Variants in TRIM34 observed in about 807,000 individuals in gnomAD.
TRIM34 encodes the protein tripartite motif containing 34.
TRIM34 carries 41 observed loss-of-function variants against 38.1 expected under a neutral mutation model. The ratio of observed to expected loss-of-function variants is 1.08; its 90% confidence interval spans 0.84 to 1.40. The LOEUF (loss-of-function observed/expected upper bound fraction) is 1.40. Among genes scored for constraint, TRIM34 ranks in the 40% most tolerant of loss-of-function variants. The probability of loss-of-function intolerance (pLI) is 0.00; values close to 1 mark genes in which losing one functional copy is unlikely to be tolerated. For missense variants in TRIM34, 556 were observed against 571.4 expected, an observed-to-expected ratio of 0.97 and a Z score of 0.27; for synonymous variants, 200 against 202.5, an observed-to-expected ratio of 0.99 and a Z score of 0.10.
intron 4 of TRIM34, among the ~76,000 whole-genome samples, chr11:5,639,571 T>C (rs1234993346): frequency 6.8e-6 from 1 of 148,090 alleles, no homozygotes; most frequent in Non-Finnish European, 1.5e-5. Flanking sequence ...TCCCAGGTAC[T>C]TGGGAGGCTG....
chr11:5,642,308 A>ATC, intron 5 of TRIM34, 98 bp from the exon 6 acceptor site: 5 of 1,089,886 alleles, frequency 4.6e-6, no homozygotes, highest in Non-Finnish European at 6.8e-6. Flanking sequence ...AGAAGGGTTC[A>ATC]AGTGCATCAG....
intron 1 of TRIM34, among the ~76,000 whole-genome samples, chr11:5,629,964 C>T (rs1269297436): frequency 3.3e-5 from 5 of 152,124 alleles, no homozygotes; most frequent in Admixed American, 2.0e-4. Context: ...CCTCGGCCTC[C>T]CAAAGTGCTG....
At chr11:5,626,891 A>T (rs1414788512) in intron 1 of TRIM34, 1 of 152,210 alleles carries the variant, frequency 6.6e-6, no homozygotes, top group East Asian at 1.9e-4. Context: ...TCAAAAAAAA[A>T]AAAAAATATG....
At chr11:5,625,548 G>A (rs561121344) in intron 1 of TRIM34, among the ~76,000 whole-genome samples, 1 of 152,122 alleles carries the variant, frequency 6.6e-6, no homozygotes, top group Non-Finnish European at 1.5e-5. Flanking sequence ...ATGGGAGCAC[G>A]GCCAGGGGTT....
At chr11:5,639,341 T>C (rs897644808) in intron 4 of TRIM34, among the ~76,000 whole-genome samples, 10 of 151,954 alleles carry the variant, frequency 6.6e-5, no homozygotes, top group African/African-American at 2.4e-4. Flanking sequence ...AAGACAATGA[T>C]TAGATATAAA....
At chr11:5,622,122 A>G (rs1025718128), upstream of TRIM34, among the ~76,000 whole-genome samples, 1 of 152,234 alleles carries the variant, frequency 6.6e-6, no homozygotes, top group African/African-American at 2.4e-5. Context: ...TTGCATGTCC[A>G]TTGAACTCAG....
In TRIM34 at chr11:5,631,275, T is replaced by C. The variant is rs200048302; in HGVS notation, c.-77-980T>C. Among the ~76,000 whole-genome samples, 6 of 152,302 alleles carry C rather than the reference T, an allele frequency of 3.9e-5. No homozygotes were observed. The East Asian group carries it at 9.6e-4, about 24-fold the overall frequency. ...TGTGGTTTCCTCCATTTCTACACTC[T>C]CATAACCCTGGATCCCAATCTACTT... is the stretch of plus-strand genomic sequence containing the variant. On this transcript the variant is annotated intron_variant, in intron 1 of 7. Coordinates refer to ENST00000429814, the MANE Select transcript of TRIM34 (RefSeq NM_021616.6).
chr11:5,637,336 C>T (rs7114840), intron 4 of TRIM34, among the ~76,000 whole-genome samples: 47,084 of 152,000 alleles, frequency 0.31, 8,221 homozygotes, highest in East Asian at 0.62. Flanking sequence ...GGGACTGATA[C>T]TCATTTCGTA....
At chr11:5,641,736 C>T (rs1411781128) in intron 5 of TRIM34, among the ~76,000 whole-genome samples, 2 of 152,192 alleles carry the variant, frequency 1.3e-5, no homozygotes, top group East Asian at 1.9e-4. Context: ...ACTTTAGAAG[C>T]TCCTATGGAA....
upstream of TRIM34, among the ~76,000 whole-genome samples, chr11:5,624,609 C>T (rs1849120636): frequency 6.6e-6 from 1 of 152,194 alleles, no homozygotes; most frequent in Admixed American, 6.5e-5. Flanking sequence ...GCTTTTCAAA[C>T]ACAGCACTAT....
intron 4 of TRIM34, among the ~76,000 whole-genome samples, chr11:5,637,487 T>A (rs143267065): frequency 1.3e-3 from 193 of 152,356 alleles, no homozygotes; most frequent in African/African-American, 4.4e-3. Flanking sequence ...CTTTCTGTAA[T>A]AGTTTTATTA....
Position 5,643,951 on chromosome 11 carries a change from C to A in TRIM34, c.*242C>A. 1 of 528,036 alleles carries A rather than the reference C, an allele frequency of 1.9e-6. No individual in the cohort carries two copies. The highest frequency in any genetic ancestry group is 3.2e-6 in the Non-Finnish European group (1 of 313,640). The allele number at this position is 528,036 out of a possible 1,614,324, so 32.7% of individuals were successfully genotyped here. ...TAAAGACACAGCAGTATGGGTATAA[C>A]ATCCTTGCCTTCCCATTTATCCATG... On this transcript the variant is annotated 3_prime_UTR_variant, in exon 8 of 8. Transcript: ENST00000429814.
intron 5 of TRIM34, 93 bp downstream of exon 5, chr11:5,641,282 C>A (rs765897057): frequency 6.3e-6 from 10 of 1,592,790 alleles, no homozygotes; most frequent in South Asian, 1.1e-5. Flanking sequence ...AATAAAAAAT[C>A]TCCCAGAGTA....
chr11:5,634,418 T>A (rs1849620433), intron 3 of TRIM34, among the ~76,000 whole-genome samples: 1 of 150,984 alleles, frequency 6.6e-6, no homozygotes, highest in Non-Finnish European at 1.5e-5. Flanking sequence ...TTCTACTCCC[T>A]TGCTGATTTG....
intron 1 of TRIM34, among the ~76,000 whole-genome samples, chr11:5,631,964 T>A (rs1157757345): frequency 6.6e-6 from 1 of 152,166 alleles, no homozygotes; most frequent in Non-Finnish European, 1.5e-5. Context: ...GTACTTAAGT[T>A]TGTCTTAGCA....
At chr11:5,622,033 A>C (rs1455210502), upstream of TRIM34, among the ~76,000 whole-genome samples, 4 of 152,202 alleles carry the variant, frequency 2.6e-5, no homozygotes, top group Non-Finnish European at 2.9e-5. Context: ...ATATTATCTG[A>C]GATCTGTCTC....
chr11:5,623,848 G>A (rs1048680964), upstream of TRIM34, among the ~76,000 whole-genome samples: 10 of 152,186 alleles, frequency 6.6e-5, no homozygotes, highest in African/African-American at 1.9e-4. Context: ...TGATCACCAT[G>A]CATGAGTCAG....
At chr11:5,637,204 G>T (rs1014682492) in intron 4 of TRIM34, among the ~76,000 whole-genome samples, 1 of 152,124 alleles carries the variant, frequency 6.6e-6, no homozygotes, top group Non-Finnish European at 1.5e-5. Flanking sequence ...TGTATTTGTG[G>T]TATGTCTCCT....
chr11:5,643,460 T>G lies in TRIM34; in HGVS notation c.1218T>G (p.Cys406Trp). 6.2e-7 allele frequency: 1 copy of G among 1,614,242 alleles called. No individual in the cohort carries two copies. The change falls in exon 8 of 8, where the codon TGT becomes TGG. Residue 406 changes from cysteine to tryptophan, a missense_variant. By Grantham distance (215) the Cys-to-Trp change is radical. Coordinates refer to ENST00000429814, the MANE Select transcript of TRIM34 (RefSeq NM_021616.6). Reference sequence around the variant, plus strand: ...GGGTTATAGGGTTACAGAATAAATGTAAGTATGGTGTCTTTGAAGAGTCTT... The same window carrying G: ...GGGTTATAGGGTTACAGAATAAATGGAAGTATGGTGTCTTTGAAGAGTCTT... ...GYWVIGLQNK[C>W]KYGVFEESLS...
Sources: gnomAD v4.1 joint callset for allele counts (sites outside exome capture counted in the v4.1 genomes callset) on GRCh38, gnomAD v4.1.1 for gene constraint, MANE v1.5 for transcripts, NCBI Gene and HGNC (gene_info 2026-07-23, HGNC 2026-07-21) for gene names.